UBE3B: variants seen among roughly 807,000 people sequenced by gnomAD.
UBE3B encodes the protein ubiquitin-protein ligase E3B.
UBE3B carries 80 observed loss-of-function variants against 132.3 expected under a neutral mutation model. The ratio of observed to expected loss-of-function variants is 0.60; its 90% confidence interval spans 0.50 to 0.73. The LOEUF (loss-of-function observed/expected upper bound fraction) is 0.73. UBE3B is among the 30% of genes least tolerant of loss of function. The pLI is 0.00. For missense variants in UBE3B, 1,196 were observed against 1,362.5 expected (o/e 0.88, Z 1.92); for synonymous variants, 487 against 520.4 (o/e 0.94, Z 0.87).
Position 109,530,408 on chromosome 12 carries a change from ACTT to A in UBE3B, c.2811-136_2811-134del. 4.3e-6 allele frequency: 3 copies of A among 690,644 alleles called. No individual in the cohort carries two copies. In the South Asian group the frequency reaches 5.5e-5, roughly 13 times the overall value. The allele number at this position is 690,644 out of a possible 1,614,324, so 42.8% of individuals were successfully genotyped here. A position where few individuals can be genotyped will look rare whatever the true frequency, so the allele number is the denominator to read the frequency against. The stretch of plus-strand genomic sequence containing the variant: ...GGGAGATAGAGTTATTGAGGCATGA[ACTT>A]CTGGCTTTAAGAGAAATTAGTAGTG... On this transcript the variant is annotated intron_variant, in intron 25 of 27. Coordinates refer to ENST00000342494, the MANE Select transcript of UBE3B (RefSeq NM_130466.4).
At chr12:109,485,595 A>G (rs1275869194) in intron 4 of UBE3B, among the ~76,000 whole-genome samples, 1 of 152,214 alleles carries the variant, frequency 6.6e-6, no homozygotes, top group African/African-American at 2.4e-5. Context: ...AAGTGATGAT[A>G]CAGCAGCCTT....
intron 12 of UBE3B, among the ~76,000 whole-genome samples, chr12:109,500,784 T>G (rs1878884183): frequency 6.6e-6 from 1 of 152,192 alleles, no homozygotes; most frequent in Non-Finnish European, 1.5e-5. Context: ...CTAGAAAGAT[T>G]GAATGAGATA....
chr12:109,485,195 A>T (rs1472749941), intron 4 of UBE3B, among the ~76,000 whole-genome samples: 1 of 152,250 alleles, frequency 6.6e-6, no homozygotes, highest in East Asian at 1.9e-4. Context: ...GTTATCTGTA[A>T]TAGTACTAAC....
downstream of UBE3B, among the ~76,000 whole-genome samples, chr12:109,539,957 G>A (rs1363628623): frequency 1.3e-5 from 2 of 151,802 alleles, no homozygotes; most frequent in Non-Finnish European, 2.9e-5. Flanking sequence ...CAAAGCCTTG[G>A]GCATACTGGG....
At chr12:109,523,388 C>G (rs1321234195) in intron 21 of UBE3B, among the ~76,000 whole-genome samples, 1 of 152,228 alleles carries the variant, frequency 6.6e-6, no homozygotes, top group African/African-American at 2.4e-5. Context: ...CAGCCTGCAG[C>G]AAGGCTTACG....
In UBE3B at chr12:109,534,111, T is replaced by C. The variant is rs1883233191; in HGVS notation, c.3016-480T>C. On this transcript the variant is annotated intron_variant, in intron 27 of 27. Coordinates refer to ENST00000342494, the MANE Select transcript of UBE3B (RefSeq NM_130466.4). The surrounding 1 kb of genome is among the most constrained non-coding windows in gnomAD (Gnocchi z 5.2). ...CCCAGTGGCCGCCTCTGGGTGTAGC[T>C]GCCTCTCATGATGCAGTTTGAGCCC... The C allele has an allele frequency of 7.7e-7, 1 of 1,295,218 alleles. No individual in the cohort carries two copies. The highest frequency in any genetic ancestry group is 1.0e-6 in the Non-Finnish European group (1 of 993,628). The allele number at this position is 1,295,218 out of a possible 1,614,324, so 80.2% of individuals were successfully genotyped here. A position where few individuals can be genotyped will look rare whatever the true frequency, so the allele number is the denominator to read the frequency against.
chr12:109,517,389 C>T (rs1210506724), intron 19 of UBE3B, among the ~76,000 whole-genome samples: 1 of 152,194 alleles, frequency 6.6e-6, no homozygotes, highest in Admixed American at 6.5e-5. Flanking sequence ...AAGTGACCCA[C>T]CTGAGCTAAA....
At position 109,536,666 on chromosome 12, in the gene UBE3B, G is replaced by T. The variant is rs1883458463; in HGVS notation, c.*1884G>T. ...TTGTAGCTAACTTATGGATTGAGAT[G>T]TGATCAAAGGCTTTATTAAATTTGT... On this transcript the variant is annotated 3_prime_UTR_variant, in exon 28 of 28. Transcript: ENST00000342494. The T allele has an allele frequency of 6.6e-6, 1 of 152,220 alleles. No individual in the cohort carries two copies. The highest frequency in any genetic ancestry group is 2.4e-5 in the African/African-American group (1 of 41,452). The allele number at this position is 152,220 out of a possible 1,614,324, so 9.4% of individuals were successfully genotyped here.
chr12:109,521,521 G>A lies in UBE3B; in HGVS notation c.2334G>A (p.Val778=). Residue 778 remains valine (V), a synonymous_variant, in exon 21 of 28, where the codon GTG becomes GTA. Transcript: ENST00000342494. The surrounding 1 kb of genome is among the most constrained non-coding windows in gnomAD (Gnocchi z 4.2). ...ATTACCTGCAGCTCTTCGAGTTTGT[G>A]GGGAAGATGCTGGGGAAGGCTGTGT... ...HENYLQLFEF[V]GKMLGKAVYE... is the part of the protein sequence containing the mutation. The A allele has an allele frequency of 1.9e-6, 3 of 1,601,192 alleles. No individual in the cohort carries two copies. Among genetic ancestry groups the A allele is most frequent in the Non-Finnish European group, 2.6e-6 (3 of 1,171,550 alleles).
At chr12:109,503,574 A>G (rs1339658020) in intron 14 of UBE3B, among the ~76,000 whole-genome samples, 3 of 152,366 alleles carry the variant, frequency 2.0e-5, no homozygotes, top group African/African-American at 4.8e-5. Context: ...TATAAAATAA[A>G]TATATTTAAA....
At chr12:109,493,337 C>G (rs961421538) in intron 9 of UBE3B, among the ~76,000 whole-genome samples, 1 of 152,204 alleles carries the variant, frequency 6.6e-6, no homozygotes, top group Admixed American at 6.5e-5. Context: ...CTGCCTCCCC[C>G]TCCACCTCCA....
rs902981865 is a variant in UBE3B at position 109,503,243 on chromosome 12, G to A, written c.1450+53G>A. On this transcript the variant is annotated intron_variant, in intron 14 of 27. Transcript: ENST00000342494. ...ACCTCTCACATTTGGCAGACAGTTT[G>A]TCTTAGCAAAAGTCGATGTTTTTTT... The A allele has an allele frequency of 6.3e-6, 10 of 1,580,420 alleles. No homozygotes were observed. The Admixed American group carries it at 1.5e-4, about 24-fold the overall frequency.
chr12:109,527,453 C>G (rs190803926), intron 24 of UBE3B, among the ~76,000 whole-genome samples: 9 of 152,334 alleles, frequency 5.9e-5, no homozygotes, highest in Admixed American at 2.0e-4. Flanking sequence ...CAAGTGAGGG[C>G]TCAGTCCCAC....
chr12:109,486,370 C>A, intron 5 of UBE3B, 101 bp from the exon 6 acceptor site: 1 of 949,600 alleles, frequency 1.1e-6, no homozygotes, highest in Non-Finnish European at 1.6e-6. Context: ...ACTGCTTTAT[C>A]TGGCACTGGA....
In UBE3B at chr12:109,534,431, TG is replaced by T. The variant is rs1662392025; in HGVS notation, c.3016-156del. Reference sequence around the variant, plus strand: ...CTCTGGAAGCCAGTCGTCTTGTGTCTGGGGCTTGACCTCGGGTAGTGGTGCC... The same window carrying T: ...CTCTGGAAGCCAGTCGTCTTGTGTCTGGGCTTGACCTCGGGTAGTGGTGCC... On this transcript the variant is annotated intron_variant, in intron 27 of 27. Coordinates refer to ENST00000342494, the MANE Select transcript of UBE3B (RefSeq NM_130466.4). This position sits in a 1 kb window ranked among gnomAD's most constrained non-coding sequence, Gnocchi z 5.2. The T allele has an allele frequency of 5.6e-6, 8 of 1,424,222 alleles. No homozygotes were observed. Among genetic ancestry groups the T allele is most frequent in the Non-Finnish European group, 7.3e-6 (8 of 1,092,262 alleles). The allele number at this position is 1,424,222 out of a possible 1,614,324, so 88.2% of individuals were successfully genotyped here. A position where few individuals can be genotyped will look rare whatever the true frequency, so the allele number is the denominator to read the frequency against.
chr12:109,542,727 A>G, the UBE3B span, among the ~76,000 whole-genome samples: 10 of 152,214 alleles, frequency 6.6e-5, no homozygotes, highest in African/African-American at 2.2e-4. Flanking sequence ...GCCATCACCC[A>G]TAGCCAGGAG....
At position 109,524,006 on chromosome 12, in the gene UBE3B, C is replaced by G; in HGVS notation, c.2393C>G (p.Ser798Cys). The G allele has an allele frequency of 6.2e-7, 1 of 1,614,168 alleles. No individual in the cohort carries two copies. The highest frequency in any genetic ancestry group is 8.5e-7 in the Non-Finnish European group (1 of 1,180,034). The change falls in exon 22 of 28, where the codon TCC becomes TGC. Residue 798 changes from serine (S) to cysteine (C), a missense_variant. Ser to Cys is a moderately radical substitution (Grantham distance 112, BLOSUM62 -1). Coordinates refer to ENST00000342494, the MANE Select transcript of UBE3B (RefSeq NM_130466.4). ...EGIVVDVPFA[S>C]FFLSQLLGHH... ...ATTGTGGTGGACGTGCCATTTGCAT[C>G]CTTCTTCCTGAGCCAACTGCTTGGG...
chr12:109,541,776 C>T, the UBE3B span, among the ~76,000 whole-genome samples: 6 of 152,224 alleles, frequency 3.9e-5, no homozygotes, highest in African/African-American at 1.4e-4. Flanking sequence ...TGCCCTGCCT[C>T]TTCTAGCTTC....
intron 26 of UBE3B, among the ~76,000 whole-genome samples, chr12:109,533,190 C>T (rs969305469): frequency 8.5e-5 from 13 of 152,218 alleles, no homozygotes; most frequent in African/African-American, 3.1e-4. Flanking sequence ...TTGTGCTGTT[C>T]CTACTCTGCA....
Sources: allele counts gnomAD v4.1 joint callset (sites outside exome capture counted in the v4.1 genomes callset), GRCh38; gene constraint gnomAD v4.1.1; non-coding constraint Gnocchi (gnomAD v3.1); transcripts MANE v1.5; gene names NCBI Gene and HGNC (gene_info 2026-07-23, HGNC 2026-07-21).